The following MINAR1 variants were observed in gnomAD, a reference collection of about 807,000 sequenced individuals.
MINAR1 encodes major intrinsically disordered Notch2-binding receptor 1.
Under a neutral mutation model 65.1 loss-of-function variants are expected in MINAR1, and 40 were observed. The ratio of observed to expected loss-of-function variants is 0.61; its 90% CI spans 0.48 to 0.80. MINAR1 has a LOEUF of 0.80. Among genes scored for constraint, MINAR1 ranks in the 30% least tolerant of loss-of-function variants. The probability of loss-of-function intolerance (pLI) is 0.00; values close to 1 mark genes in which losing one functional copy is unlikely to be tolerated. For missense variants in MINAR1, 1,128 were observed against 1,148.0 expected (o/e 0.98, Z 0.25); for synonymous variants, 482 against 449.1 (o/e 1.07, Z -0.93).
rs945817690 is a variant in MINAR1, at chr15:79,471,476, T to C, written c.*3092T>C. 3 of 152,628 alleles carry C rather than the reference T, an allele frequency of 2.0e-5. No individual in the cohort carries two copies. Among genetic ancestry groups the C allele is most frequent in the African/African-American group, 7.2e-5 (3 of 41,446 alleles). The allele number at this position is 152,628 out of a possible 1,614,324, so 9.5% of individuals were successfully genotyped here. A position where few individuals can be genotyped will look rare whatever the true frequency, so the allele number is the denominator to read the frequency against. ...ACATTTTATACCAGTATCCCCTTCA[T>C]TACAGTAAACTAAATCATAACTTAC... is the stretch of plus-strand genomic sequence containing the variant. On this transcript the variant is annotated 3_prime_UTR_variant, in exon 4 of 4. Coordinates refer to ENST00000305428, the MANE Select transcript of MINAR1 (RefSeq NM_015206.3).
Position 79,471,713 on chromosome 15 carries a change from TG to T in MINAR1, c.*3330del, listed in dbSNP as rs201584896. On this transcript the variant is annotated 3_prime_UTR_variant, in exon 4 of 4. Transcript: ENST00000305428. ...GCAGTGGCATCACATTTGTTGTTGT[TG>T]TTTTTTTTTTTGAAATAGAAAAAAA... The T allele has an allele frequency of 6.9e-3, 1,033 of 150,640 alleles. 12 individuals carry two copies. Among genetic ancestry groups the T allele is most frequent in the African/African-American group, 0.022 (916 of 41,030 alleles). The allele number at this position is 150,640 out of a possible 1,614,324, so 9.3% of individuals were successfully genotyped here. A position where few individuals can be genotyped will look rare whatever the true frequency, so the allele number is the denominator to read the frequency against.
At chr15:79,465,971 ACAGT>A (rs1739872785) in intron 3 of MINAR1, among the ~76,000 whole-genome samples, 1 of 152,144 alleles carries the variant, frequency 6.6e-6, no homozygotes, top group African/African-American at 2.4e-5. Context: ...AGGCGGTCCA[ACAGT>A]CAGGGTTCAG....
intron 1 of MINAR1, among the ~76,000 whole-genome samples, chr15:79,452,630 G>GTC (rs773530682): frequency 1.2e-4 from 14 of 119,794 alleles, no homozygotes; most frequent in East Asian, 4.8e-4. Context: ...GGATGAGTCT[G>GTC]TGTGTGTGTG....
At chr15:79,432,954 T>C (rs1229095632) in intron 1 of MINAR1, among the ~76,000 whole-genome samples, 1 of 152,190 alleles carries the variant, frequency 6.6e-6, no homozygotes, top group African/African-American at 2.4e-5. Flanking sequence ...CGAAGTAAGA[T>C]GGAAAGCTGG....
At chr15:79,430,718 A>G (rs1011900008), upstream of MINAR1, among the ~76,000 whole-genome samples, 10 of 152,198 alleles carry the variant, frequency 6.6e-5, no homozygotes, top group Admixed American at 6.5e-4. Flanking sequence ...CCTTACTAGA[A>G]TAGGTTTGAA....
the MINAR1 span, chr15:79,417,046 C>T: frequency 6.6e-6 from 1 of 152,236 alleles, no homozygotes; most frequent in Non-Finnish European, 1.5e-5. Context: ...ATGTGCAACA[C>T]AGGTACCGTG....
chr15:79,435,738 CTTTGA>C (rs1331740907), intron 1 of MINAR1, among the ~76,000 whole-genome samples: 1 of 152,166 alleles, frequency 6.6e-6, no homozygotes, highest in Admixed American at 6.5e-5. Context: ...AGAGCAGGGA[CTTTGA>C]TTTATTTGTT....
Position 79,456,106 on chromosome 15 carries a change from T to C in MINAR1, c.-42T>C, listed in dbSNP as rs779036547. ...CAATATTGCCACCACAGAACTGACC[T>C]GAAGTTTCAGTGTAGTCAGAGAGCT... On this transcript the variant is annotated 5_prime_UTR_variant, in exon 2 of 4. Coordinates refer to ENST00000305428, the MANE Select transcript of MINAR1 (RefSeq NM_015206.3). 16 of 1,587,536 alleles carry C rather than the reference T, an allele frequency of 1.0e-5. No individual in the cohort carries two copies. The East Asian group carries it at 3.6e-4, about 36-fold the overall frequency.
chr15:79,432,096 G>A (rs896531589), upstream of MINAR1, among the ~76,000 whole-genome samples: 3 of 152,096 alleles, frequency 2.0e-5, no homozygotes, highest in Admixed American at 6.5e-5. Context: ...GCTGCTCCCA[G>A]CCTGCAAGCC....
intron 3 of MINAR1, among the ~76,000 whole-genome samples, chr15:79,464,022 T>C (rs1895748893): frequency 6.6e-6 from 1 of 152,228 alleles, no homozygotes; most frequent in Admixed American, 6.5e-5. Flanking sequence ...GGCTCTGGAA[T>C]GACCATGCAC....
upstream of MINAR1, among the ~76,000 whole-genome samples, chr15:79,429,934 T>C (rs182455783): frequency 5.1e-3 from 778 of 152,232 alleles, 8 homozygotes; most frequent in African/African-American, 0.018. Flanking sequence ...GGTGTTACTG[T>C]ATCTGTGTCC....
the MINAR1 span, chr15:79,416,396 T>A: frequency 3.3e-5 from 5 of 152,350 alleles, no homozygotes; most frequent in South Asian, 2.1e-4. Context: ...GCCAAAAATA[T>A]TGGCCAGCCA....
At chr15:79,439,557 G>A in intron 1 of MINAR1, among the ~76,000 whole-genome samples, 1 of 151,744 alleles carries the variant, frequency 6.6e-6, no homozygotes, top group Non-Finnish European at 1.5e-5. Flanking sequence ...TCGGATGTGG[G>A]TTAAGGTAGG....
chr15:79,434,266 A>G lies in MINAR1; in HGVS notation c.-51+1726A>G, dbSNP rs144381811. On this transcript the variant is annotated intron_variant, in intron 1 of 3. Transcript: ENST00000305428. ...GTTGTTGGTGTTATGTTCCTTTTGA[A>G]TTTTAGATACATAATGCGATTTTTT... Among the ~76,000 whole-genome samples the G allele has an allele frequency of 1.4e-4, 22 of 152,314 alleles. No homozygotes were observed. In the East Asian group the frequency reaches 4.2e-3, roughly 29 times the overall value.
intron 1 of MINAR1, among the ~76,000 whole-genome samples, chr15:79,448,109 G>C (rs1460594239): frequency 6.6e-6 from 1 of 152,088 alleles, no homozygotes; most frequent in Non-Finnish European, 1.5e-5. Flanking sequence ...GTTTAGTTAT[G>C]CCCGTTAAGA....
chr15:79,459,179 GAAA>G (rs199732618), intron 2 of MINAR1, among the ~76,000 whole-genome samples: 2 of 151,064 alleles, frequency 1.3e-5, no homozygotes, highest in African/African-American at 4.9e-5. Flanking sequence ...ACTGTCTCAA[GAAA>G]AAAAAAGATA....
chr15:79,441,924 T>A (rs906727733), intron 1 of MINAR1, among the ~76,000 whole-genome samples: 2 of 152,158 alleles, frequency 1.3e-5, no homozygotes, highest in Non-Finnish European at 2.9e-5. Context: ...ACATTTTTCT[T>A]TGCCTTCCTT....
upstream of MINAR1, among the ~76,000 whole-genome samples, chr15:79,432,253 C>A (rs1045877061): frequency 1.3e-5 from 2 of 152,232 alleles, no homozygotes; most frequent in Non-Finnish European, 2.9e-5. Flanking sequence ...GTCCGAGCGC[C>A]CCCTTCAGCC....
At position 79,463,271 on chromosome 15, in the gene MINAR1, T is replaced by C; in HGVS notation, c.2503T>C (p.Tyr835His). Reference sequence around the variant, plus strand: ...CCAACCTTCTTGGACCATTGAGGAGTATGCACGGAATGCGGGCGACAAGGG... The same window carrying C: ...CCAACCTTCTTGGACCATTGAGGAGCATGCACGGAATGCGGGCGACAAGGG... ...RGQPSWTIEE[Y>H]ARNAGDKGKL... The change falls in exon 3 of 4, where the codon TAT becomes CAT. Residue 835 changes from tyrosine to histidine, a missense_variant. By Grantham distance (83) the Tyr-to-His change is moderately conservative. Transcript: ENST00000305428. The C allele has an allele frequency of 6.2e-7, 1 of 1,613,764 alleles. No homozygotes were observed. Among genetic ancestry groups the C allele is most frequent in the Non-Finnish European group, 8.5e-7 (1 of 1,179,942 alleles).
Sources: allele counts gnomAD v4.1 joint callset (sites outside exome capture counted in the v4.1 genomes callset), GRCh38; gene constraint gnomAD v4.1.1; transcripts MANE v1.5; gene names NCBI Gene and HGNC (gene_info 2026-07-23, HGNC 2026-07-21).